The following MARCHF7 variants were observed in gnomAD, a reference collection of about 807,000 sequenced individuals.
MARCHF7 encodes the protein membrane associated ring-CH-type finger 7.
In MARCHF7, 20 loss-of-function variants were observed where a neutral mutation model predicts 76.5. The observed-to-expected ratio is 0.26, with a 90% confidence interval of 0.18 to 0.38. The LOEUF is 0.38. Ranked by LOEUF, MARCHF7 falls within the 10% of genes least tolerant of loss-of-function variation. MARCHF7 has a pLI of 1.00. For synonymous variants in MARCHF7, 295 were observed against 293.0 expected, an observed-to-expected ratio of 1.01 and a Z score of -0.07; for missense variants, 797 against 812.9, an observed-to-expected ratio of 0.98 and a Z score of 0.24.
At chr2:159,738,249 C>T (rs1325121580) in intron 4 of MARCHF7, among the ~76,000 whole-genome samples, 1 of 152,134 alleles carries the variant, frequency 6.6e-6, no homozygotes, top group Non-Finnish European at 1.5e-5. Context: ...CTTGGAGACA[C>T]AAGGAACTAC....
At position 159,767,755 on chromosome 2, in the gene MARCHF7, A is replaced by G. The variant is rs1707959997; in HGVS notation, c.*413A>G. Reference sequence around the variant, plus strand: ...AAATATACTTTTGAAATAAAATGCTATATGGCACCTAATTATTTTTTCTTT... The same window carrying G: ...AAATATACTTTTGAAATAAAATGCTGTATGGCACCTAATTATTTTTTCTTT... On this transcript the variant is annotated 3_prime_UTR_variant, in exon 12 of 12. Coordinates refer to ENST00000409175, the MANE Select transcript of MARCHF7 (RefSeq NM_001282805.2). The G allele has an allele frequency of 1.3e-5, 2 of 152,912 alleles. No individual in the cohort carries two copies. 9.5% of individuals were successfully genotyped at this position (152,912 alleles called of 1,614,324 possible).
intron 3 of MARCHF7, among the ~76,000 whole-genome samples, chr2:159,719,767 T>G (rs1701427019): frequency 6.6e-6 from 1 of 152,194 alleles, no homozygotes; most frequent in Non-Finnish European, 1.5e-5. Context: ...TCCTTGCATT[T>G]TTGTGTATCA....
chr2:159,720,171 A>G (rs115985988), intron 3 of MARCHF7, among the ~76,000 whole-genome samples: 10,274 of 152,176 alleles, frequency 0.068, 384 homozygotes, highest in East Asian at 0.14. Context: ...GATTACAGGA[A>G]CGCAACACCA....
Position 159,752,381 on chromosome 2 carries a change from GA to G in MARCHF7, c.1614-18del, listed in dbSNP as rs1201919608. On this transcript the variant is annotated intron_variant, in intron 7 of 11. Coordinates refer to ENST00000409175, the MANE Select transcript of MARCHF7 (RefSeq NM_001282805.2). ...CCAGGATGAGTTATGATAGCTTTGG[GA>G]AATGTGCCTTCTTTTCCAGCCTCCT... 5.2e-6 allele frequency: 8 copies of G among 1,543,744 alleles called. No individual in the cohort carries two copies. Among genetic ancestry groups the G allele is most frequent in the Non-Finnish European group, 7.0e-6 (8 of 1,146,664 alleles).
chr2:159,743,747 AAAAG>A (rs1560010966), intron 5 of MARCHF7, among the ~76,000 whole-genome samples: 3 of 67,168 alleles, frequency 4.5e-5, no homozygotes, highest in African/African-American at 1.7e-4. Context: ...CAAAAAAAAA[AAAAG>A]AGAGAATTAG....
chr2:159,733,031 T>C (rs961230328), intron 4 of MARCHF7: 1 of 609,816 alleles, frequency 1.6e-6, no homozygotes, highest in African/African-American at 2.0e-5. Flanking sequence ...TGTTACTAAT[T>C]ATAATTATTT....
rs1034576670 is a variant in MARCHF7, at chr2:159,715,652, GTTTAATTTTCATTAATCTTAATTTTCAGC to G, written c.-100-25_-97del. 1 of 152,260 alleles carries G rather than the reference GTTTAATTTTCATTAATCTTAATTTTCAGC, an allele frequency of 6.6e-6. No individual in the cohort carries two copies. The highest frequency in any genetic ancestry group is 2.4e-5 in the African/African-American group (1 of 41,562). 9.4% of individuals were successfully genotyped at this position (152,260 alleles called of 1,614,324 possible). On this transcript the variant is annotated splice_acceptor_variant and splice_polypyrimidine_tract_variant and 5_prime_UTR_variant and intron_variant, in exon 3 of 12. Transcript: ENST00000409175. LOFTEE classifies it low-confidence loss of function (5UTR_SPLICE). ...TGAGTGTGAGTCACTGCATGCTGGGGTTTAATTTTCATTAATCTTAATTTTCAGCTTTCTGCCCTGGCATGAACTTACAT... is the reference window on the plus strand; with the variant it reads ...TGAGTGTGAGTCACTGCATGCTGGGGTTTCTGCCCTGGCATGAACTTACAT...
At chr2:159,718,994 T>C (rs1415532006) in intron 3 of MARCHF7, among the ~76,000 whole-genome samples, 3 of 152,084 alleles carry the variant, frequency 2.0e-5, no homozygotes, top group African/African-American at 7.2e-5. Flanking sequence ...TAATTGCTTA[T>C]TATTATTATT....
chr2:159,764,242 G>A (rs1164682394), intron 10 of MARCHF7, among the ~76,000 whole-genome samples: 1 of 147,752 alleles, frequency 6.8e-6, no homozygotes, highest in South Asian at 2.2e-4. Flanking sequence ...GTGTGTGTGT[G>A]TGTGTGTGTG....
intron 3 of MARCHF7, among the ~76,000 whole-genome samples, chr2:159,718,267 G>A (rs1314463588): frequency 6.6e-6 from 1 of 152,082 alleles, no homozygotes; most frequent in East Asian, 1.9e-4. Context: ...CAAAAATTAG[G>A]CAAAGATTGA....
chr2:159,762,042 G>T, intron 9 of MARCHF7, among the ~76,000 whole-genome samples: 1 of 152,092 alleles, frequency 6.6e-6, no homozygotes, highest in East Asian at 1.9e-4. Flanking sequence ...TTGCTTTGGG[G>T]CCTCTAGACT....
intron 4 of MARCHF7, among the ~76,000 whole-genome samples, chr2:159,737,432 GA>G (rs922574186): frequency 1.6e-4 from 24 of 152,250 alleles, no homozygotes; most frequent in African/African-American, 5.5e-4. Flanking sequence ...AGTCATTAGG[GA>G]AATGCAAGTC....
chr2:159,752,514 T>G lies in MARCHF7; in HGVS notation c.1726T>G (p.Leu576Val). 1.2e-6 allele frequency: 2 copies of G among 1,601,280 alleles called. No homozygotes were observed. Among genetic ancestry groups the G allele is most frequent in the Non-Finnish European group, 1.7e-6 (2 of 1,174,648 alleles). Residue 576 changes from leucine (L) to valine (V), a missense_variant, in exon 8 of 12, where the codon TTG becomes GTG. Transcript: ENST00000409175. The stretch of plus-strand genomic sequence containing the variant: ...AGAGCCATGCAAGTGCACAGGAAGT[T>G]TGCAGTATGTCCACCAAGACTGTAT... ...LIEPCKCTGS[L>V]QYVHQDCMKK...
In MARCHF7 at chr2:159,752,487, A is replaced by G; in HGVS notation, c.1699A>G (p.Ile567Val). Residue 567 changes from isoleucine to valine, a missense_variant, in exon 8 of 12, where the codon ATA becomes GTA. Coordinates refer to ENST00000409175, the MANE Select transcript of MARCHF7 (RefSeq NM_001282805.2). ...AGCTGCATCATCATCTAATTTGCTG[A>G]TAGAGCCATGCAAGTGCACAGGAAG... ...MAAASSSNLL[I>V]EPCKCTGSLQ... 1 of 1,607,068 alleles carries G rather than the reference A, an allele frequency of 6.2e-7. No individual in the cohort carries two copies. Among genetic ancestry groups the G allele is most frequent in the Non-Finnish European group, 8.5e-7 (1 of 1,177,292 alleles).
At chr2:159,733,823 T>G in intron 4 of MARCHF7, 18 of 1,159,810 alleles carry the variant, frequency 1.6e-5, no homozygotes, top group Non-Finnish European at 1.9e-5. Context: ...GAAATATAGG[T>G]GGTTTCTCTC....
chr2:159,738,436 G>A (rs565355164), intron 4 of MARCHF7, among the ~76,000 whole-genome samples: 3 of 152,232 alleles, frequency 2.0e-5, no homozygotes, highest in East Asian at 3.9e-4. Flanking sequence ...GGCGGGTCCC[G>A]AGTTCTTGTC....
rs532724844 is a variant in MARCHF7 at position 159,770,653 on chromosome 2, A to C, written c.*3311A>C. ...ACATATAGAACAGTGTTTCCTTAGT[A>C]GACCATATTTTTACTGTACCTTTTC... On this transcript the variant is annotated 3_prime_UTR_variant, in exon 12 of 12. Coordinates refer to ENST00000409175, the MANE Select transcript of MARCHF7 (RefSeq NM_001282805.2). The C allele has an allele frequency of 3.3e-5, 5 of 152,288 alleles. No individual in the cohort carries two copies. The highest frequency in any genetic ancestry group is 5.9e-5 in the Non-Finnish European group (4 of 68,018). The allele number at this position is 152,288 out of a possible 1,614,324, so 9.4% of individuals were successfully genotyped here.
chr2:159,721,606 G>A (rs565890057), intron 3 of MARCHF7, among the ~76,000 whole-genome samples: 2 of 152,124 alleles, frequency 1.3e-5, no homozygotes, highest in African/African-American at 4.8e-5. Context: ...TACGATTTTT[G>A]TCTGTGTGTG....
At chr2:159,739,199 A>G (rs12692562) in intron 4 of MARCHF7, among the ~76,000 whole-genome samples, 52,420 of 152,026 alleles carry the variant, frequency 0.34, 9,244 homozygotes, top group South Asian at 0.44. Context: ...CAGGGCTCCC[A>G]CCCCACCAAC....
Sources: gnomAD v4.1 joint callset for allele counts (sites outside exome capture counted in the v4.1 genomes callset) on GRCh38, gnomAD v4.1.1 for gene constraint, MANE v1.5 for transcripts, NCBI Gene and HGNC (gene_info 2026-07-23, HGNC 2026-07-21) for gene names.